The following RAB11FIP3 variants were observed in gnomAD, a reference collection of about 807,000 sequenced individuals.
RAB11FIP3 encodes the protein rab11 family-interacting protein 3.
A neutral mutation model predicts 77.8 loss-of-function variants in RAB11FIP3; 17 were observed. The ratio of observed to expected loss-of-function variants is 0.22; its 90% CI spans 0.15 to 0.33. The LOEUF is 0.33. RAB11FIP3 is among the 10% of genes least tolerant of loss of function. The probability of loss-of-function intolerance (pLI) is 1.00; values close to 1 mark genes in which losing one functional copy is unlikely to be tolerated. For missense variants in RAB11FIP3, 1,005 were observed against 1,011.2 expected, an observed-to-expected ratio of 0.99 and a Z score of 0.08; for synonymous variants, 437 against 448.2, an observed-to-expected ratio of 0.98 and a Z score of 0.31.
At chr16:520,341 AG>A in intron 12 of RAB11FIP3, 64 bp downstream of exon 12, 10 of 1,567,516 alleles carry the variant, frequency 6.4e-6, no homozygotes, top group Admixed American at 1.8e-5. Flanking sequence ...CTGGTTGGGA[AG>A]GGGGGGCCGT....
chr16:470,630 G>T lies in RAB11FIP3; in HGVS notation c.809-665G>T, dbSNP rs79090064. ...TTTGACCTGTGAATATCACTGAGAC[G>T]CTGGAAGCCAGTGCCTTTTCCTACA... On this transcript the variant is annotated intron_variant, in intron 2 of 13. Coordinates refer to ENST00000262305, the MANE Select transcript of RAB11FIP3 (RefSeq NM_014700.4). Among the ~76,000 whole-genome samples the T allele has an allele frequency of 5.0e-3, 759 of 152,312 alleles. 7 individuals carry two copies. Among genetic ancestry groups the T allele is most frequent in the African/African-American group, 0.017 (693 of 41,572 alleles).
chr16:474,916 C>G lies in RAB11FIP3; in HGVS notation c.903+3527C>G, dbSNP rs535066758. 1,049 of 1,536,186 alleles carry G rather than the reference C, an allele frequency of 6.8e-4. 1 individual carries two copies. The highest frequency in any genetic ancestry group is 8.8e-4 in the Non-Finnish European group (1,002 of 1,137,562). ...GGTGATGTGCCTCCAGGTGAGCGCA[C>G]AGGCTTTGCAGAAACCCCAGCATGA... On this transcript the variant is annotated intron_variant, in intron 3 of 13. Transcript: ENST00000262305.
chr16:488,272 C>T (rs990044714), intron 4 of RAB11FIP3, among the ~76,000 whole-genome samples: 1 of 151,730 alleles, frequency 6.6e-6, no homozygotes, highest in Admixed American at 6.6e-5. Context: ...CCCAGCTACT[C>T]GGGAGGTGGA....
intron 4 of RAB11FIP3, among the ~76,000 whole-genome samples, chr16:486,886 C>T (rs1467482193): frequency 6.6e-6 from 1 of 152,222 alleles, no homozygotes; most frequent in Non-Finnish European, 1.5e-5. Flanking sequence ...CGCTGATTCT[C>T]CTCCCCTCAG....
Position 471,315 on chromosome 16 carries a change from G to T in RAB11FIP3, c.829G>T (p.Gly277Cys), listed in dbSNP as rs201487714. 1.9e-6 allele frequency: 3 copies of T among 1,613,964 alleles called. No homozygotes were observed. Among genetic ancestry groups the T allele is most frequent in the Admixed American group, 1.7e-5 (1 of 60,008 alleles). The change falls in exon 3 of 14, where the codon GGT becomes TGT. Residue 277 changes from glycine (G) to cysteine (C), a missense_variant. Physicochemically the swap from Gly to Cys is radical, Grantham distance 159. Transcript: ENST00000262305. The surrounding 1 kb of genome is among the most constrained non-coding windows in gnomAD (Gnocchi z 4.4). Reference sequence around the variant, plus strand: ...TGCAGATCCTGATGGCCAGTGCTACGGTGGTGTCGCTTCTGCCCAAGATGA... The same window carrying T: ...TGCAGATCCTGATGGCCAGTGCTACTGTGGTGTCGCTTCTGCCCAAGATGA... ...RNGDPDGQCY[G>C]GVASAQDEEP... is the part of the protein sequence containing the mutation.
At chr16:432,960 A>G (rs895447007) in intron 1 of RAB11FIP3, among the ~76,000 whole-genome samples, 1 of 144,990 alleles carries the variant, frequency 6.9e-6, no homozygotes, top group Admixed American at 7.1e-5. Flanking sequence ...GGATGGGTAC[A>G]TGTGGTATTT....
Position 426,560 on chromosome 16 carries a change from C to T in RAB11FIP3, c.554C>T (p.Ser185Leu), listed in dbSNP as rs779959228. 5.0e-6 allele frequency: 8 copies of T among 1,587,620 alleles called. No individual in the cohort carries two copies. The highest frequency in any genetic ancestry group is 6.8e-6 in the Non-Finnish European group (8 of 1,169,010). Reference protein sequence around the residue: ...EQGPGSPPQPSDLSQTHPLPS... With the variant: ...EQGPGSPPQPLDLSQTHPLPS... ...GGTCCCGGGTCCCCGCCGCAGCCCT[C>T]GGACCTCAGCCAGACCCACCCCCTT... Residue 185 changes from serine to leucine, a missense_variant, in exon 1 of 14, where the codon TCG becomes TTG. Physicochemically the swap from Ser to Leu is moderately radical, Grantham distance 145 (BLOSUM62 -2). Transcript: ENST00000262305. This position sits in a 1 kb window ranked among gnomAD's most constrained non-coding sequence, Gnocchi z 5.0.
intron 1 of RAB11FIP3, among the ~76,000 whole-genome samples, chr16:433,256 C>T (rs2055070024): frequency 7.4e-6 from 1 of 134,940 alleles, no homozygotes; most frequent in Non-Finnish European, 1.6e-5. Flanking sequence ...TGGTCTCGAA[C>T]TCCTGACCTG....
intron 1 of RAB11FIP3, among the ~76,000 whole-genome samples, chr16:458,627 G>A (rs536259967): frequency 1.5e-4 from 9 of 59,634 alleles, no homozygotes; most frequent in South Asian, 9.1e-4. Flanking sequence ...CTCATCTGCC[G>A]TAACCTGCCT....
intron 1 of RAB11FIP3, among the ~76,000 whole-genome samples, chr16:459,287 C>A (rs2055562689): frequency 6.6e-6 from 1 of 151,256 alleles, no homozygotes; most frequent in Admixed American, 6.6e-5. Context: ...CCACCACGCC[C>A]AGCTAATTTT....
intron 1 of RAB11FIP3, among the ~76,000 whole-genome samples, chr16:456,055 C>T (rs929422061): frequency 2.0e-5 from 3 of 152,188 alleles, no homozygotes; most frequent in Admixed American, 1.3e-4. Flanking sequence ...AGGCCGGGCA[C>T]GGTGGCTCGC....
intron 5 of RAB11FIP3, among the ~76,000 whole-genome samples, chr16:492,901 TAG>T (rs1417566972): frequency 1.3e-5 from 2 of 152,184 alleles, no homozygotes; most frequent in Non-Finnish European, 2.9e-5. Flanking sequence ...TAAGTACAAC[TAG>T]CAAGTCCTGT....
intron 9 of RAB11FIP3, among the ~76,000 whole-genome samples, chr16:511,719 A>G (rs1323873165): frequency 1.1e-5 from 1 of 94,816 alleles, no homozygotes; most frequent in Non-Finnish European, 1.9e-5. Context: ...ACTGCAGGCC[A>G]GGTAGGAGAG....
chr16:480,451 A>C (rs575246805), intron 3 of RAB11FIP3, among the ~76,000 whole-genome samples: 1 of 152,174 alleles, frequency 6.6e-6, no homozygotes, highest in South Asian at 2.1e-4. Context: ...CAGCCTCCTG[A>C]GTAGTTGGGA....
At chr16:470,969 A>G (rs963302137) in intron 2 of RAB11FIP3, among the ~76,000 whole-genome samples, 6 of 121,456 alleles carry the variant, frequency 4.9e-5, no homozygotes, top group Middle Eastern at 4.5e-3. Flanking sequence ...ATGGAGCTCA[A>G]TGTCTTGCTC....
chr16:458,620 A>ACAGGGCCTGGGGGGCC (rs2055548157), intron 1 of RAB11FIP3, among the ~76,000 whole-genome samples: 47 of 151,934 alleles, frequency 3.1e-4, no homozygotes, highest in Non-Finnish European at 4.0e-4. Context: ...ACCGATGCTC[A>ACAGGGCCTGGGGGGCC]TCTGCCGTAA....
At chr16:463,791 T>A (rs549698657) in intron 2 of RAB11FIP3, among the ~76,000 whole-genome samples, 1 of 152,274 alleles carries the variant, frequency 6.6e-6, no homozygotes, top group African/African-American at 2.4e-5. Context: ...CCCATGAACA[T>A]GTTGTGGGAC....
chr16:441,003 C>T (rs1387460296), intron 1 of RAB11FIP3, among the ~76,000 whole-genome samples: 3 of 151,798 alleles, frequency 2.0e-5, no homozygotes, highest in Non-Finnish European at 4.4e-5. Flanking sequence ...TGCATTGGTG[C>T]AATCTCGGCT....
At chr16:502,962 G>GT (rs1567401160) in intron 6 of RAB11FIP3, 42 bp from the exon 7 acceptor site, 5 of 1,495,602 alleles carry the variant, frequency 3.3e-6, no homozygotes, top group South Asian at 1.1e-5. Context: ...ATGTCCTGTG[G>GT]TTTTTCCCTT....
Sources: allele counts gnomAD v4.1 joint callset (sites outside exome capture counted in the v4.1 genomes callset), GRCh38; gene constraint gnomAD v4.1.1; non-coding constraint Gnocchi (gnomAD v3.1); transcripts MANE v1.5; gene names NCBI Gene and HGNC (gene_info 2026-07-23, HGNC 2026-07-21).